The following IQCK variants were observed in gnomAD, a reference collection of about 807,000 sequenced individuals.
IQCK encodes the protein IQ domain-containing protein K.
IQCK carries 29 observed loss-of-function variants against 28.1 expected under a neutral mutation model. The observed-to-expected ratio is 1.03, with a 90% CI of 0.77 to 1.41. The LOEUF (loss-of-function observed/expected upper bound fraction) is 1.41. Ranked by LOEUF, IQCK falls within the 40% of genes most tolerant of loss-of-function variation. The probability of loss-of-function intolerance (pLI) is 0.00; values close to 1 mark genes in which losing one functional copy is unlikely to be tolerated. For missense variants in IQCK, 359 were observed against 314.7 expected, an observed-to-expected ratio of 1.14 and a Z score of -1.07; for synonymous variants, 113 against 115.1, an observed-to-expected ratio of 0.98 and a Z score of 0.12.
At chr16:19,774,398 CTTTT>C (rs1167894201) in intron 6 of IQCK, among the ~76,000 whole-genome samples, 18 of 104,108 alleles carry the variant, frequency 1.7e-4, no homozygotes, top group South Asian at 1.2e-3. Flanking sequence ...TTAGCTAATA[CTTTT>C]TTTTTTTTTT....
At chr16:19,834,215 T>C (rs987132915) in intron 9 of IQCK, among the ~76,000 whole-genome samples, 12 of 152,252 alleles carry the variant, frequency 7.9e-5, no homozygotes, top group African/African-American at 2.4e-4. Context: ...ATGGAGCTTA[T>C]GCCATGTGCC....
chr16:19,832,948 A>G (rs2141100135), intron 9 of IQCK, among the ~76,000 whole-genome samples: 1 of 152,296 alleles, frequency 6.6e-6, no homozygotes, highest in East Asian at 1.9e-4. Flanking sequence ...ACCTCCCACC[A>G]GATCCCTCCT....
At chr16:19,809,692 C>T (rs1392700477) in intron 7 of IQCK, among the ~76,000 whole-genome samples, 1 of 152,170 alleles carries the variant, frequency 6.6e-6, no homozygotes, top group Non-Finnish European at 1.5e-5. Flanking sequence ...GGGATAGGGA[C>T]CCAGGAAGAT....
chr16:19,733,473 A>G (rs1179230277), intron 2 of IQCK, among the ~76,000 whole-genome samples: 3 of 152,048 alleles, frequency 2.0e-5, no homozygotes, highest in African/African-American at 7.2e-5. Flanking sequence ...GGATATGTTT[A>G]CAAACGTCTC....
At chr16:19,841,224 C>G (rs1440156927) in intron 9 of IQCK, among the ~76,000 whole-genome samples, 5 of 152,154 alleles carry the variant, frequency 3.3e-5, no homozygotes, top group Non-Finnish European at 7.4e-5. Flanking sequence ...ACTGGTAATA[C>G]TTTGGTGGCT....
intron 9 of IQCK, among the ~76,000 whole-genome samples, chr16:19,843,354 G>A (rs1295712500): frequency 6.6e-6 from 1 of 152,124 alleles, no homozygotes; most frequent in East Asian, 1.9e-4. Context: ...ACACCCTTTA[G>A]CCATTATCTC....
intron 4 of IQCK, 170 bp downstream of exon 4, chr16:19,735,620 G>A: frequency 1.6e-6 from 1 of 607,434 alleles, no homozygotes; most frequent in East Asian, 2.9e-5. Context: ...ATCTAGTTGT[G>A]CACATACATG....
intron 7 of IQCK, among the ~76,000 whole-genome samples, chr16:19,793,642 G>GTTTT (rs1567559545): frequency 1.4e-5 from 1 of 74,034 alleles, no homozygotes; most frequent in Non-Finnish European, 2.4e-5. Flanking sequence ...ATCTCAGTTG[G>GTTTT]GTTTTTTTTT....
chr16:19,720,344 G>T (rs1245058759), intron 1 of IQCK, among the ~76,000 whole-genome samples: 1 of 152,186 alleles, frequency 6.6e-6, no homozygotes, highest in Non-Finnish European at 1.5e-5. Flanking sequence ...ATAATTTGAC[G>T]GTAGTTATTG....
intron 4 of IQCK, among the ~76,000 whole-genome samples, chr16:19,748,266 G>C (rs963871604): frequency 2.0e-5 from 3 of 151,754 alleles, no homozygotes; most frequent in Non-Finnish European, 2.9e-5. Flanking sequence ...ATAGAGACAG[G>C]GTTTCACCAT....
intron 7 of IQCK, among the ~76,000 whole-genome samples, chr16:19,817,844 G>A (rs546883549): frequency 3.3e-5 from 5 of 152,234 alleles, no homozygotes; most frequent in African/African-American, 9.6e-5. Context: ...CCCTGATGAC[G>A]AACCCACCTT....
At chr16:19,768,914 C>T (rs1297190022) in intron 6 of IQCK, among the ~76,000 whole-genome samples, 1 of 152,128 alleles carries the variant, frequency 6.6e-6, no homozygotes, top group Admixed American at 6.5e-5. Flanking sequence ...AATTTGGTAG[C>T]CGCTTAGCTG....
chr16:19,729,806 A>G (rs970254114), intron 1 of IQCK, among the ~76,000 whole-genome samples: 3 of 150,776 alleles, frequency 2.0e-5, no homozygotes, highest in Admixed American at 6.6e-5. Flanking sequence ...CACCATGCCC[A>G]GCTAATTTTT....
intron 1 of IQCK, among the ~76,000 whole-genome samples, chr16:19,720,800 T>C (rs1380965002): frequency 6.6e-6 from 1 of 152,174 alleles, no homozygotes; most frequent in Non-Finnish European, 1.5e-5. Context: ...GTGGATCACC[T>C]GCGGTCAGGA....
chr16:19,808,385 T>C (rs978183142), intron 7 of IQCK, among the ~76,000 whole-genome samples: 1 of 152,150 alleles, frequency 6.6e-6, no homozygotes, highest in Non-Finnish European at 1.5e-5. Context: ...CGAAAACTGA[T>C]AAACCACACT....
chr16:19,849,371 G>T (rs2056452710), intron 9 of IQCK, among the ~76,000 whole-genome samples: 1 of 151,630 alleles, frequency 6.6e-6, no homozygotes, highest in Admixed American at 6.6e-5. Context: ...ACACTTAAGT[G>T]ATGTATTATG....
intron 7 of IQCK, among the ~76,000 whole-genome samples, chr16:19,803,838 G>T (rs990296197): frequency 6.6e-6 from 1 of 151,986 alleles, no homozygotes; most frequent in Non-Finnish European, 1.5e-5. Flanking sequence ...GTAGAGATGG[G>T]GGTCTCACTA....
chr16:19,804,133 G>A (rs1410108007), intron 7 of IQCK, among the ~76,000 whole-genome samples: 1 of 151,966 alleles, frequency 6.6e-6, no homozygotes, highest in Non-Finnish European at 1.5e-5. Flanking sequence ...GGTGGATCAC[G>A]AGATCAGGAG....
At chr16:19,780,527 T>A (rs1204441450) in intron 6 of IQCK, among the ~76,000 whole-genome samples, 1 of 152,114 alleles carries the variant, frequency 6.6e-6, no homozygotes, top group East Asian at 1.9e-4. Context: ...ATAAAACCCA[T>A]CTTTCCCCAG....
Sources: allele counts gnomAD v4.1 joint callset (sites outside exome capture counted in the v4.1 genomes callset), GRCh38; gene constraint gnomAD v4.1.1; transcripts MANE v1.5; gene names NCBI Gene and HGNC (gene_info 2026-07-23, HGNC 2026-07-21).